Variants in GRM7 observed in about 807,000 individuals in gnomAD.
The protein encoded by GRM7 is glutamate metabotropic receptor 7, also known as metabotropic glutamate receptor 7.
GRM7 carries 35 observed loss-of-function variants against 84.5 expected under a neutral mutation model. The observed-to-expected ratio is 0.41, with a 90% CI of 0.32 to 0.55. GRM7 has a LOEUF of 0.55. GRM7 is among the 20% of genes least tolerant of loss of function. The pLI is 0.19. For missense variants in GRM7, 1,003 were observed against 1,194.6 expected, an observed-to-expected ratio of 0.84 and a Z score of 2.36; for synonymous variants, 487 against 455.1, an observed-to-expected ratio of 1.07 and a Z score of -0.89.
chr3:6,907,010 A>AT (rs539532224), intron 1 of GRM7, among the ~76,000 whole-genome samples: 4 of 152,166 alleles, frequency 2.6e-5, no homozygotes, highest in East Asian at 1.9e-4. Context: ...CCCTTAATGC[A>AT]TTTTTTTATA....
intron 1 of GRM7, among the ~76,000 whole-genome samples, chr3:7,097,952 A>G (rs1698914452): frequency 1.3e-5 from 2 of 152,118 alleles, no homozygotes; most frequent in Non-Finnish European, 2.9e-5. Flanking sequence ...AGAAAGTCCA[A>G]TATACTATGT....
At chr3:7,359,637 T>C (rs1178030120) in intron 4 of GRM7, among the ~76,000 whole-genome samples, 1 of 148,012 alleles carries the variant, frequency 6.8e-6, no homozygotes, top group Non-Finnish European at 1.5e-5. Flanking sequence ...CCATGCCAGG[T>C]CAATCCTATT....
intron 8 of GRM7, among the ~76,000 whole-genome samples, chr3:7,669,196 G>GTGAT (rs751553182): frequency 2.9e-4 from 44 of 152,308 alleles, no homozygotes; most frequent in South Asian, 2.5e-3. Context: ...ATCACAAATT[G>GTGAT]TGATTAGTGA....
intron 7 of GRM7, among the ~76,000 whole-genome samples, chr3:7,481,860 G>A (rs1171123102): frequency 6.6e-6 from 1 of 152,212 alleles, no homozygotes; most frequent in Non-Finnish European, 1.5e-5. Context: ...AGGTGTGAAT[G>A]TACCTCAGAG....
intron 4 of GRM7, among the ~76,000 whole-genome samples, chr3:7,344,542 A>C (rs1038290162): frequency 6.6e-6 from 1 of 152,096 alleles, no homozygotes; most frequent in Non-Finnish European, 1.5e-5. Context: ...ATAAAAAGTA[A>C]TGTCTGCTTT....
At chr3:6,998,147 A>T (rs548602221) in intron 1 of GRM7, among the ~76,000 whole-genome samples, 38 of 149,804 alleles carry the variant, frequency 2.5e-4, no homozygotes, top group South Asian at 6.3e-4. Flanking sequence ...AAAGCAGGTT[A>T]GTTACCTCCT....
intron 5 of GRM7, among the ~76,000 whole-genome samples, chr3:7,434,344 A>C (rs1407257876): frequency 6.6e-6 from 1 of 152,198 alleles, no homozygotes; most frequent in African/African-American, 2.4e-5. Flanking sequence ...TAGAAGTAAT[A>C]ATGGGAGTAC....
chr3:7,655,626 C>T (rs1699142967), intron 8 of GRM7, among the ~76,000 whole-genome samples: 2 of 152,116 alleles, frequency 1.3e-5, no homozygotes, highest in South Asian at 2.1e-4. Context: ...GTGCATTGCC[C>T]ATAGAGAGGG....
chr3:6,952,405 G>T (rs1692821570), intron 1 of GRM7, among the ~76,000 whole-genome samples: 1 of 152,158 alleles, frequency 6.6e-6, no homozygotes. Context: ...ATGCTTGAGG[G>T]AGAAACCCTT....
chr3:7,294,356 G>A (rs756821739), intron 2 of GRM7, among the ~76,000 whole-genome samples: 7 of 152,084 alleles, frequency 4.6e-5, no homozygotes, highest in Non-Finnish European at 8.8e-5. Context: ...TTCTCCCCAG[G>A]AGTCCCAGGA....
intron 1 of GRM7, among the ~76,000 whole-genome samples, chr3:7,081,694 C>G (rs903164135): frequency 6.6e-6 from 1 of 152,010 alleles, no homozygotes; most frequent in Non-Finnish European, 1.5e-5. Context: ...ACTAAACAGT[C>G]TAGTTATGAA....
At chr3:7,006,194 G>A (rs550935473) in intron 1 of GRM7, among the ~76,000 whole-genome samples, 9 of 152,212 alleles carry the variant, frequency 5.9e-5, no homozygotes, top group Middle Eastern at 6.8e-3. Flanking sequence ...TTGAAGGACC[G>A]CTGGTCTACT....
At position 7,679,396 on chromosome 3, in the gene GRM7, C is replaced by CCTAATA. The variant is rs1469177720; in HGVS notation, c.2452-653_2452-652insCTAATA. Among the ~76,000 whole-genome samples, 700 of 152,134 alleles carry CCTAATA rather than the reference C, an allele frequency of 4.6e-3. 14 individuals are homozygous for CCTAATA. In the East Asian group the frequency reaches 0.088, roughly 19 times the overall value. ...ATCCAAACTGCAAATAACACAACTC[C>CCTAATA]AGAATAAGGCGTTGCATCTCATTAG... is the stretch of plus-strand genomic sequence containing the variant. On this transcript the variant is annotated intron_variant, in intron 8 of 9. Coordinates refer to ENST00000357716, the MANE Select transcript of GRM7 (RefSeq NM_000844.4).
chr3:7,281,722 C>G (rs1305028261), intron 2 of GRM7, among the ~76,000 whole-genome samples: 1 of 152,128 alleles, frequency 6.6e-6, no homozygotes, highest in Non-Finnish European at 1.5e-5. Context: ...GCATCAGGAT[C>G]TTCTAAGAGG....
At chr3:7,021,204 A>C (rs1175310624) in intron 1 of GRM7, among the ~76,000 whole-genome samples, 1 of 152,198 alleles carries the variant, frequency 6.6e-6, no homozygotes, top group Non-Finnish European at 1.5e-5. Flanking sequence ...CATTCAGGCA[A>C]CATATATAAA....
intron 1 of GRM7, among the ~76,000 whole-genome samples, chr3:7,082,807 G>GA (rs1194612128): frequency 6.6e-6 from 1 of 152,104 alleles, no homozygotes; most frequent in Non-Finnish European, 1.5e-5. Context: ...GACACCAATG[G>GA]AAAAAGTGAA....
chr3:7,022,113 G>A (rs1018810870), intron 1 of GRM7, among the ~76,000 whole-genome samples: 3 of 152,060 alleles, frequency 2.0e-5, no homozygotes, highest in African/African-American at 7.2e-5. Context: ...AATTGCTTGA[G>A]CCTAGGAGTT....
At chr3:7,291,877 G>A (rs1336608844) in intron 2 of GRM7, among the ~76,000 whole-genome samples, 7 of 152,194 alleles carry the variant, frequency 4.6e-5, no homozygotes, top group Non-Finnish European at 8.8e-5. Context: ...GAGGGGCCCA[G>A]TGGGAGATAA....
At chr3:7,067,021 T>G (rs945659617) in intron 1 of GRM7, among the ~76,000 whole-genome samples, 1 of 151,866 alleles carries the variant, frequency 6.6e-6, no homozygotes, top group Non-Finnish European at 1.5e-5. Flanking sequence ...AGGACATACT[T>G]TAATATAATA....
Sources: allele counts gnomAD v4.1 joint callset (sites outside exome capture counted in the v4.1 genomes callset), GRCh38; gene constraint gnomAD v4.1.1; transcripts MANE v1.5; gene names NCBI Gene and HGNC (gene_info 2026-07-23, HGNC 2026-07-21).